Variants in PARG observed in about 807,000 individuals in gnomAD.
The protein encoded by PARG is mitochondrial poly(ADP-ribose) glycohydrolase.
PARG carries 35 observed loss-of-function variants against 113.0 expected under a neutral mutation model. That is an observed-to-expected ratio of 0.31 (90% CI 0.24 to 0.41). The LOEUF (loss-of-function observed/expected upper bound fraction) is 0.41. PARG is among the 10% of genes least tolerant of loss of function. The pLI is 1.00. For synonymous variants in PARG, 330 were observed against 409.9 expected (o/e 0.81, Z 2.36); for missense variants, 797 against 1,169.4 (o/e 0.68, Z 4.64).
chr10:49,919,860 T>C lies in PARG; in HGVS notation c.1662+2476A>G, dbSNP rs116411055. The stretch of plus-strand genomic sequence containing the variant: ...CGTGCCACTGCGATCTGATGTTCTA[T>C]ATAAGGATCCCATCTTTGTATCCAC... On this transcript the variant is annotated intron_variant, in intron 6 of 17. Coordinates refer to ENST00000616448, the MANE Select transcript of PARG (RefSeq NM_003631.5). 3.9e-3 allele frequency among the ~76,000 whole-genome samples: 595 copies of C among 152,294 alleles called. 7 individuals are homozygous for C. Among genetic ancestry groups the C allele is most frequent in the African/African-American group, 0.014 (572 of 41,558 alleles).
chr10:49,846,308 G>A (rs1484321387), intron 13 of PARG, among the ~76,000 whole-genome samples: 5 of 150,704 alleles, frequency 3.3e-5, no homozygotes, highest in Admixed American at 3.3e-4. Flanking sequence ...AAAAATTATG[G>A]TTGTTTCTGG....
chr10:49,883,183 T>C (rs190392445), intron 8 of PARG, among the ~76,000 whole-genome samples: 2 of 152,326 alleles, frequency 1.3e-5, no homozygotes, highest in African/African-American at 2.4e-5. Flanking sequence ...AAGAAGGCAT[T>C]TGGACATGTA....
At chr10:49,880,711 C>G (rs1262881486) in intron 8 of PARG, among the ~76,000 whole-genome samples, 1 of 152,086 alleles carries the variant, frequency 6.6e-6, no homozygotes, top group Non-Finnish European at 1.5e-5. Context: ...GGGTCTGACA[C>G]GCCTCATTAT....
intron 4 of PARG, among the ~76,000 whole-genome samples, chr10:49,923,720 A>G (rs1239393830): frequency 3.3e-5 from 5 of 151,314 alleles, no homozygotes; most frequent in African/African-American, 1.2e-4. Context: ...TCCTGTTAAG[A>G]TCTTAGGAGT....
chr10:49,828,113 A>AAAAAAAAAAAAAAC, intron 16 of PARG, among the ~76,000 whole-genome samples: 1 of 148,584 alleles, frequency 6.7e-6, no homozygotes, highest in Non-Finnish European at 1.5e-5. Context: ...AAAAAAAAAA[A>AAAAAAAAAAAAAAC]AAAAAAAAAG....
intron 9 of PARG, among the ~76,000 whole-genome samples, chr10:49,873,535 CAATT>C (rs1213410780): frequency 5.3e-5 from 8 of 150,448 alleles, no homozygotes; most frequent in Non-Finnish European, 1.0e-4. Context: ...GTTGTGCTAA[CAATT>C]CATTTATTCT....
At chr10:49,849,900 T>C (rs561829821) in intron 13 of PARG, among the ~76,000 whole-genome samples, 44 of 152,132 alleles carry the variant, frequency 2.9e-4, no homozygotes, top group African/African-American at 8.9e-4. Context: ...AGCCTGCAGT[T>C]CCTGCTACTC....
At chr10:49,938,195 T>C (rs1317202131) in intron 1 of PARG, among the ~76,000 whole-genome samples, 1 of 152,182 alleles carries the variant, frequency 6.6e-6, no homozygotes, top group South Asian at 2.1e-4. Context: ...ACCCAGAAAA[T>C]GAAGCTAACA....
chr10:49,838,022 T>C (rs1189676290), intron 15 of PARG, among the ~76,000 whole-genome samples: 1 of 152,212 alleles, frequency 6.6e-6, no homozygotes, highest in African/African-American at 2.4e-5. Context: ...GGCATAAGCA[T>C]GTAGGAGACT....
rs1321302759 is a variant in PARG at position 49,941,603 on chromosome 10, G to A, written c.123C>T (p.Pro41=). ...CCCTGAACTGCACGTGAGCGTCCTT[G>A]GGGTCGAGGACGCGCCTCTGCCTGC... ...FPSRQRRVLD[P]KDAHVQFRVP... Residue 41 remains proline (P), a synonymous_variant, in exon 1 of 18, where the codon CCC becomes CCT. Transcript: ENST00000616448. The A allele has an allele frequency of 6.3e-6, 10 of 1,578,640 alleles. No homozygotes were observed. The African/African-American group carries it at 1.1e-4, about 17-fold the overall frequency.
rs113434926 is a variant in PARG, at chr10:49,927,030, C to T, written c.1456-4361G>A. Reference sequence around the variant, plus strand: ...CAACTTAAGAAAAATAAACCTGGGCCGGGGGTGGTGGCTCACGCCTGTAAT... The same window carrying T: ...CAACTTAAGAAAAATAAACCTGGGCTGGGGGTGGTGGCTCACGCCTGTAAT... On this transcript the variant is annotated intron_variant, in intron 4 of 17. Coordinates refer to ENST00000616448, the MANE Select transcript of PARG (RefSeq NM_003631.5). Among the ~76,000 whole-genome samples the T allele has an allele frequency of 3.5e-3, 533 of 151,996 alleles. 4 individuals are homozygous for T. Among genetic ancestry groups the T allele is most frequent in the African/African-American group, 0.012 (491 of 41,474 alleles).
rs1843939058 is a variant in PARG, at chr10:49,819,164, G to A, written c.*176C>T. ...AAGTCCACGTGAGTCAGGATGGAGG[G>A]AGTTTAGATGTACCAACTGACAACT... is the stretch of plus-strand genomic sequence containing the variant. On this transcript the variant is annotated 3_prime_UTR_variant, in exon 18 of 18. Coordinates refer to ENST00000616448, the MANE Select transcript of PARG (RefSeq NM_003631.5). 1 of 516,416 alleles carries A rather than the reference G, an allele frequency of 1.9e-6. No individual in the cohort carries two copies. Among genetic ancestry groups the A allele is most frequent in the Non-Finnish European group, 3.5e-6 (1 of 288,290 alleles). 32.0% of individuals were successfully genotyped at this position (516,416 alleles called of 1,614,324 possible). A position where few individuals can be genotyped will look rare whatever the true frequency, so the allele number is the denominator to read the frequency against.
chr10:49,933,724 C>G lies in PARG; in HGVS notation c.724G>C (p.Asp242His), dbSNP rs1282919973. Reference sequence around the variant, plus strand: ...CAACTTGCACAGTCTTCCCCAGGATCGCAAGACTTGCTGCACTTCTGGTGG... The same window carrying G: ...CAACTTGCACAGTCTTCCCCAGGATGGCAAGACTTGCTGCACTTCTGGTGG... ...KSHQKCSKSC[D>H]PGEDCASCQQ... The change falls in exon 3 of 18, where the codon GAT becomes CAT. Residue 242 changes from aspartate to histidine, a missense_variant. Coordinates refer to ENST00000616448, the MANE Select transcript of PARG (RefSeq NM_003631.5). 89 of 1,611,142 alleles carry G rather than the reference C, an allele frequency of 5.5e-5. No individual in the cohort carries two copies. The highest frequency in any genetic ancestry group is 7.0e-5 in the Non-Finnish European group (83 of 1,177,476).
At chr10:49,836,307 CTTTTTTTTTTTTTTTT>C (rs1168567519) in intron 15 of PARG, among the ~76,000 whole-genome samples, 12 of 48,002 alleles carry the variant, frequency 2.5e-4, no homozygotes, top group South Asian at 1.3e-3. Flanking sequence ...TTTCTTACGA[CTTTTTTTTTTTTTTTT>C]TTTTTTTTTT....
chr10:49,939,553 A>G (rs1458507534), intron 1 of PARG, among the ~76,000 whole-genome samples: 2 of 152,226 alleles, frequency 1.3e-5, no homozygotes, highest in African/African-American at 4.8e-5. Flanking sequence ...CTTTTCTAAA[A>G]TATTAACCAA....
intron 7 of PARG, 123 bp from the exon 8 acceptor site, chr10:49,885,418 C>T: frequency 1.6e-6 from 1 of 631,748 alleles, no homozygotes; most frequent in South Asian, 1.9e-5. Context: ...AAAGTGGCAC[C>T]CTATCAGCAT....
chr10:49,818,977 G>A lies in PARG; in HGVS notation c.*363C>T, dbSNP rs180805342. On this transcript the variant is annotated 3_prime_UTR_variant, in exon 18 of 18. Coordinates refer to ENST00000616448, the MANE Select transcript of PARG (RefSeq NM_003631.5). ...GTTTCCTGGCATCGCTGGCATCTGC[G>A]GGCTGCAGAAGCAACTGGTATAATA... The A allele has an allele frequency of 2.7e-3, 425 of 159,790 alleles. 2 individuals are homozygous for A. The highest frequency in any genetic ancestry group is 3.0e-3 in the South Asian group (15 of 4,966). The allele number at this position is 159,790 out of a possible 1,614,324, so 9.9% of individuals were successfully genotyped here. A position where few individuals can be genotyped will look rare whatever the true frequency, so the allele number is the denominator to read the frequency against.
In PARG at chr10:49,927,350, GA is replaced by G. The variant is rs1554850857; in HGVS notation, c.1456-4682del. On this transcript the variant is annotated intron_variant, in intron 4 of 17. Transcript: ENST00000616448. Reference sequence around the variant, plus strand: ...AGAAGGAAAGAAGGAAGGAAGGAAGGAAAGAAAGAAGGAAAGAAGGAAAGAA... The same window carrying G: ...AGAAGGAAAGAAGGAAGGAAGGAAGGAAGAAAGAAGGAAAGAAGGAAAGAA... 4.9e-3 allele frequency among the ~76,000 whole-genome samples: 651 copies of G among 132,654 alleles called. 12 individuals are homozygous for G. The highest frequency in any genetic ancestry group is 0.018 in the African/African-American group (612 of 33,500). 87.0% of individuals were successfully genotyped at this position (132,654 alleles called of 152,430 possible). A position where few individuals can be genotyped will look rare whatever the true frequency, so the allele number is the denominator to read the frequency against.
intron 16 of PARG, among the ~76,000 whole-genome samples, chr10:49,822,480 AAAACAAAACG>A (rs782501282): frequency 1.3e-5 from 2 of 152,222 alleles, no homozygotes; most frequent in African/African-American, 4.8e-5. Context: ...TCAAATGGAT[AAAACAAAACG>A]AAACAAAAAA....
Sources: gnomAD v4.1 joint callset for allele counts (sites outside exome capture counted in the v4.1 genomes callset) on GRCh38, gnomAD v4.1.1 for gene constraint, MANE v1.5 for transcripts, NCBI Gene and HGNC (gene_info 2026-07-23, HGNC 2026-07-21) for gene names.